Variants in TICRR observed in about 807,000 individuals in gnomAD.
TICRR encodes TOPBP1 interacting checkpoint and replication regulator, also known as treslin.
TICRR carries 132 observed loss-of-function variants against 178.1 expected under a neutral mutation model. The observed-to-expected ratio is 0.74, with a 90% CI of 0.64 to 0.86. The LOEUF (loss-of-function observed/expected upper bound fraction) is 0.86. Ranked by LOEUF, TICRR falls within the 40% of genes least tolerant of loss-of-function variation. The pLI, the probability that TICRR is intolerant of heterozygous loss-of-function variation, is 0.00. For missense variants in TICRR, 2,587 were observed against 2,334.3 expected, an observed-to-expected ratio of 1.11 and a Z score of -2.23; for synonymous variants, 991 against 900.7, an observed-to-expected ratio of 1.10 and a Z score of -1.79.
rs557284192 is a variant in TICRR at position 89,624,699 on chromosome 15, T to C, written c.4389T>C (p.His1463=). ...TGCTCATTACAAGTGACACAGAGCA[T>C]GTCACTCTCCTCAGTGAAGCCGAAC... ...SPLLITSDTE[H]VTLLSEAEHH... The change falls in exon 20 of 22, where the codon CAT becomes CAC. Residue 1463 remains histidine (H), a synonymous_variant. Transcript: ENST00000268138. 129 of 1,614,154 alleles carry C rather than the reference T, an allele frequency of 8.0e-5. No homozygotes were observed. Among genetic ancestry groups the C allele is most frequent in the Non-Finnish European group, 9.6e-5 (113 of 1,180,028 alleles).
Position 89,624,096 on chromosome 15 carries a change from G to C in TICRR, c.3786G>C (p.Gln1262His), listed in dbSNP as rs950570288. 22 of 1,613,662 alleles carry C rather than the reference G, an allele frequency of 1.4e-5. No homozygotes were observed. The highest frequency in any genetic ancestry group is 1.8e-5 in the Non-Finnish European group (21 of 1,179,964). The stretch of plus-strand genomic sequence containing the variant: ...CAGCAGCCTTCATGGGCACGCCTCA[G>C]AATCAAACACACCAACAGCCCCATG... ...PRAAAFMGTP[Q>H]NQTHQQPHVL... The change falls in exon 20 of 22, where the codon CAG becomes CAC. Residue 1262 changes from glutamine to histidine, a missense_variant. Coordinates refer to ENST00000268138, the MANE Select transcript of TICRR (RefSeq NM_152259.4).
At chr15:89,595,344 C>T (rs1328333262) in intron 6 of TICRR, 49 bp from the exon 7 acceptor site, 1 of 1,360,156 alleles carries the variant, frequency 7.4e-7, no homozygotes, top group South Asian at 1.2e-5. Context: ...CTTCTTTCCA[C>T]AGAAGTGGAA....
Position 89,575,633 on chromosome 15 carries a change from G to C in TICRR, c.47G>C (p.Gly16Ala). ...KVMLLLDTAG[G>A]AARHSRVRRA... ...ATGCTGCTGCTGGACACCGCGGGCG[G>C]CGCCGCCCGCCACAGCCGGGTCCGG... The change falls in exon 1 of 22, where the codon GGC (glycine) becomes GCC (alanine). Residue 16 changes from glycine to alanine, a missense_variant. Gly to Ala is a moderately conservative substitution (Grantham distance 60). Transcript: ENST00000268138. The C allele has an allele frequency of 6.5e-7, 1 of 1,547,276 alleles. No individual in the cohort carries two copies. Among genetic ancestry groups the C allele is most frequent in the Non-Finnish European group, 8.7e-7 (1 of 1,151,442 alleles).
intron 7 of TICRR, among the ~76,000 whole-genome samples, chr15:89,598,373 T>TTGTG (rs1021513634): frequency 2.0e-5 from 3 of 152,012 alleles, no homozygotes; most frequent in Non-Finnish European, 4.4e-5. Context: ...GTTTGTTTGT[T>TTGTG]TGTTTTGAGA....
intron 21 of TICRR, among the ~76,000 whole-genome samples, 156 bp downstream of exon 21, chr15:89,626,217 A>G (rs1021843986): frequency 1.3e-5 from 2 of 152,156 alleles, no homozygotes; most frequent in African/African-American, 2.4e-5. Context: ...CTTCCCAGAG[A>G]AACTCCACAT....
chr15:89,622,946 G>A (rs1230380779), intron 19 of TICRR, among the ~76,000 whole-genome samples: 1 of 152,172 alleles, frequency 6.6e-6, no homozygotes, highest in Non-Finnish European at 1.5e-5. Flanking sequence ...CAATCACATT[G>A]TATTTTCACC....
Position 89,625,271 on chromosome 15 carries a change from C to T in TICRR, c.4961C>T (p.Ser1654Phe). 1 of 1,613,750 alleles carries T rather than the reference C, an allele frequency of 6.2e-7. No individual in the cohort carries two copies. Among genetic ancestry groups the T allele is most frequent in the South Asian group, 1.1e-5 (1 of 91,084 alleles). The change falls in exon 20 of 22, where the codon TCT becomes TTT. Residue 1654 changes from serine to phenylalanine, a missense_variant. Ser to Phe is a radical substitution (Grantham distance 155). Coordinates refer to ENST00000268138, the MANE Select transcript of TICRR (RefSeq NM_152259.4). ...GCCTGTACCCCCACCCACGGCCCTT[C>T]TAGTACCCCCTCTCCATTTCAAACA... ...CQACTPTHGP[S>F]STPSPFQTDG...
At position 89,624,582 on chromosome 15, in the gene TICRR, G is replaced by A. The variant is rs1449870371; in HGVS notation, c.4272G>A (p.Gln1424=). The A allele has an allele frequency of 1.6e-5, 26 of 1,613,838 alleles. No individual in the cohort carries two copies. The Admixed American group carries it at 4.3e-4, about 27-fold the overall frequency. ...PAAPTDSRDD[Q]KGLSLSPQSP... ...CCCCCACAGACTCTAGAGATGACCA[G>A]AAGGGACTGAGCCTCTCTCCTCAGT... Residue 1424 remains glutamine, a synonymous_variant, in exon 20 of 22, where the codon CAG becomes CAA. Coordinates refer to ENST00000268138, the MANE Select transcript of TICRR (RefSeq NM_152259.4).
intron 1 of TICRR, among the ~76,000 whole-genome samples, chr15:89,576,809 GTATGTGTGTGTGTATA>G (rs1173186359): frequency 1.1e-4 from 13 of 115,234 alleles, no homozygotes; most frequent in Non-Finnish European, 2.3e-4. Context: ...GGGTGTGTGT[GTATGTGTGTGTGTATA>G]TATATATATA....
At chr15:89,577,821 C>T (rs953562155) in intron 1 of TICRR, among the ~76,000 whole-genome samples, 1 of 151,506 alleles carries the variant, frequency 6.6e-6, no homozygotes, top group Non-Finnish European at 1.5e-5. Flanking sequence ...ATGCTACCCA[C>T]CCTGGTCTCA....
At chr15:89,612,098 T>C (rs1466996487) in intron 15 of TICRR, among the ~76,000 whole-genome samples, 1 of 152,244 alleles carries the variant, frequency 6.6e-6, no homozygotes, top group Admixed American at 6.5e-5. Flanking sequence ...GGTAACTGCA[T>C]GGAGGTCAGA....
chr15:89,589,416 A>C (rs1410725850), intron 4 of TICRR, among the ~76,000 whole-genome samples: 1 of 152,160 alleles, frequency 6.6e-6, no homozygotes, highest in Admixed American at 6.5e-5. Context: ...GGCTCCCTCC[A>C]AAGCCCTGCC....
Position 89,600,761 on chromosome 15 carries a change from T to A in TICRR, c.2153+76T>A, listed in dbSNP as rs981001950. ...TAGCTCGTATCAGTTTAAAATAGAT[T>A]GTTCGTGACATGGTGGCTCATGCCT... On this transcript the variant is annotated intron_variant, in intron 9 of 21. Coordinates refer to ENST00000268138, the MANE Select transcript of TICRR (RefSeq NM_152259.4). 29 of 682,600 alleles carry A rather than the reference T, an allele frequency of 4.2e-5. 1 individual carries two copies. The Middle Eastern group carries it at 8.7e-4, about 20-fold the overall frequency. 42.3% of individuals were successfully genotyped at this position (682,600 alleles called of 1,614,324 possible).
chr15:89,601,975 A>C lies in TICRR; in HGVS notation c.2566A>C (p.Arg856=), dbSNP rs775738212. ...ELRTRSAKKR[R]KNALIRHKSI... ...TCGTACCAGATCAGCCAAGAAGAGAAGGTAAGAGGTCAAAGAATCAAAGGA... is the reference window on the plus strand; with the variant it reads ...TCGTACCAGATCAGCCAAGAAGAGACGGTAAGAGGTCAAAGAATCAAAGGA... The change falls in exon 12 of 22, where the codon AGG becomes CGG. Residue 856 remains arginine (R), a splice_region_variant and synonymous_variant. Coordinates refer to ENST00000268138, the MANE Select transcript of TICRR (RefSeq NM_152259.4). The C allele has an allele frequency of 6.2e-7, 1 of 1,613,972 alleles. No individual in the cohort carries two copies. Among genetic ancestry groups the C allele is most frequent in the Admixed American group, 1.7e-5 (1 of 60,012 alleles).
chr15:89,606,703 T>C (rs1963180459), intron 13 of TICRR, 65 bp from the exon 14 acceptor site: 1 of 1,311,406 alleles, frequency 7.6e-7, no homozygotes, highest in Admixed American at 1.7e-5. Flanking sequence ...TCATGTGAAA[T>C]CTTTATTCTT....
intron 19 of TICRR, 42 bp from the exon 20 acceptor site, chr15:89,623,581 G>T: frequency 9.0e-6 from 14 of 1,553,250 alleles, no homozygotes; most frequent in Non-Finnish European, 1.2e-5. Context: ...GAGATCATGA[G>T]TTATAATATT....
intron 1 of TICRR, among the ~76,000 whole-genome samples, chr15:89,576,817 GTGTGTATATATATATA>G (rs1247048569): frequency 0.15 from 1,642 of 11,136 alleles, 29 homozygotes; most frequent in Non-Finnish European, 0.32. Flanking sequence ...GTGTATGTGT[GTGTGTATATATATATA>G]TATATATATA....
At chr15:89,602,457 T>C (rs1383392072) in intron 12 of TICRR, among the ~76,000 whole-genome samples, 1 of 152,206 alleles carries the variant, frequency 6.6e-6, no homozygotes, top group South Asian at 2.1e-4. Flanking sequence ...CAGTTCGTCA[T>C]TGAAGGAAAC....
rs751787061 is a variant in TICRR, at chr15:89,624,673, C to G, written c.4363C>G (p.Leu1455Val). The change falls in exon 20 of 22, where the codon CTG becomes GTG. Residue 1455 changes from leucine to valine, a missense_variant. By Grantham distance (32) the Leu-to-Val change is conservative. Coordinates refer to ENST00000268138, the MANE Select transcript of TICRR (RefSeq NM_152259.4). ...GAGTGATTGGCATGCATCCTCTCCT[C>G]TGCTCATTACAAGTGACACAGAGCA... ...LRSDWHASSP[L>V]LITSDTEHVT... 6.2e-7 allele frequency: 1 copy of G among 1,613,992 alleles called. No homozygotes were observed. Among genetic ancestry groups the G allele is most frequent in the Non-Finnish European group, 8.5e-7 (1 of 1,180,036 alleles).
Sources: allele counts gnomAD v4.1 joint callset (sites outside exome capture counted in the v4.1 genomes callset), GRCh38; gene constraint gnomAD v4.1.1; transcripts MANE v1.5; gene names NCBI Gene and HGNC (gene_info 2026-07-23, HGNC 2026-07-21).